Variants in PLCB4 observed in about 807,000 individuals in gnomAD.
PLCB4 encodes 1-phosphatidylinositol 4,5-bisphosphate phosphodiesterase beta-4.
A neutral mutation model predicts 178.8 loss-of-function variants in PLCB4; 77 were observed. The ratio of observed to expected loss-of-function variants is 0.43; its 90% CI spans 0.36 to 0.52. PLCB4 has a LOEUF of 0.52. Ranked by LOEUF, PLCB4 falls within the 20% of genes least tolerant of loss-of-function variation. The pLI, the probability that PLCB4 is intolerant of heterozygous loss-of-function variation, is 0.00. For missense variants in PLCB4, 1,024 were observed against 1,453.4 expected (o/e 0.70, Z 4.80); for synonymous variants, 496 against 490.8 (o/e 1.01, Z -0.14).
intron 3 of PLCB4, among the ~76,000 whole-genome samples, chr20:9,244,177 TTC>T (rs1215635317): frequency 5.9e-5 from 9 of 152,192 alleles, no homozygotes; most frequent in Admixed American, 5.9e-4. Flanking sequence ...CATGAATCAT[TTC>T]TCTTTCTCTA....
chr20:9,197,725 C>T (rs939301180), intron 2 of PLCB4, among the ~76,000 whole-genome samples: 1 of 152,218 alleles, frequency 6.6e-6, no homozygotes, highest in African/African-American at 2.4e-5. Flanking sequence ...CCTGTAATCC[C>T]AGCACTTTGG....
At chr20:9,235,286 A>T (rs372691206) in intron 3 of PLCB4, among the ~76,000 whole-genome samples, 2 of 152,166 alleles carry the variant, frequency 1.3e-5, no homozygotes, top group Non-Finnish European at 2.9e-5. Flanking sequence ...GATGATGTCA[A>T]GCAAATGCAC....
intron 19 of PLCB4, among the ~76,000 whole-genome samples, chr20:9,396,558 G>A (rs1333166966): frequency 6.6e-6 from 1 of 152,180 alleles, no homozygotes; most frequent in Non-Finnish European, 1.5e-5. Flanking sequence ...AGAGTTTGGG[G>A]ATGATTTTAG....
At chr20:9,253,251 C>T (rs1445714719) in intron 3 of PLCB4, among the ~76,000 whole-genome samples, 1 of 152,182 alleles carries the variant, frequency 6.6e-6, no homozygotes, top group African/African-American at 2.4e-5. Context: ...TCCAGCAGAG[C>T]AAGGGATCCG....
intron 9 of PLCB4, among the ~76,000 whole-genome samples, chr20:9,370,493 C>T (rs1312736805): frequency 6.6e-6 from 1 of 152,164 alleles, no homozygotes; most frequent in African/African-American, 2.4e-5. Flanking sequence ...CTCCTTTTCC[C>T]TAGGCCCAGT....
chr20:9,145,509 CTT>C (rs59068139), intron 2 of PLCB4, among the ~76,000 whole-genome samples: 1 of 142,690 alleles, frequency 7.0e-6, no homozygotes. Flanking sequence ...TATCAAAGTT[CTT>C]TTTTTTTTTT....
intron 1 of PLCB4, among the ~76,000 whole-genome samples, chr20:9,075,940 C>A (rs6077480): frequency 2.6e-5 from 4 of 151,986 alleles, no homozygotes; most frequent in African/African-American, 7.3e-5. Flanking sequence ...TTGGAAACAC[C>A]GTGTACTAGA....
chr20:9,281,694 G>A (rs1200966612), intron 3 of PLCB4, among the ~76,000 whole-genome samples: 1 of 151,866 alleles, frequency 6.6e-6, no homozygotes, highest in South Asian at 2.1e-4. Context: ...GAATGATTTT[G>A]CAAAATTAAA....
chr20:9,262,364 T>A (rs2094306839), intron 3 of PLCB4, among the ~76,000 whole-genome samples: 2 of 152,092 alleles, frequency 1.3e-5, no homozygotes, highest in Admixed American at 1.3e-4. Context: ...GCGGAATTTA[T>A]AAAGAGCATA....
intron 3 of PLCB4, among the ~76,000 whole-genome samples, chr20:9,267,964 G>C (rs931273460): frequency 4.6e-5 from 7 of 152,144 alleles, no homozygotes; most frequent in African/African-American, 1.7e-4. Context: ...GTGCTAACAT[G>C]GTTAGGTGTC....
At chr20:9,312,250 T>A (rs891144598) in intron 4 of PLCB4, among the ~76,000 whole-genome samples, 1 of 151,896 alleles carries the variant, frequency 6.6e-6, no homozygotes, top group Non-Finnish European at 1.5e-5. Context: ...TTCTTGCCCA[T>A]GGGACTTTCT....
At chr20:9,109,169 C>T (rs1050997384) in intron 2 of PLCB4, among the ~76,000 whole-genome samples, 4 of 152,134 alleles carry the variant, frequency 2.6e-5, no homozygotes, top group Non-Finnish European at 2.9e-5. Flanking sequence ...ATTTGTATCC[C>T]TGGGTCTAAA....
chr20:9,124,489 C>A (rs1474827006), intron 2 of PLCB4, among the ~76,000 whole-genome samples: 1 of 152,090 alleles, frequency 6.6e-6, no homozygotes, highest in East Asian at 1.9e-4. Context: ...AGAATAGGAC[C>A]TGTCTCTAAA....
At position 9,240,679 on chromosome 20, in the gene PLCB4, A is replaced by T. The variant is rs529085683; in HGVS notation, c.-16+23227A>T. 2.5e-4 allele frequency among the ~76,000 whole-genome samples: 38 copies of T among 152,228 alleles called. No homozygotes were observed. The South Asian group carries it at 7.3e-3, about 29-fold the overall frequency. On this transcript the variant is annotated intron_variant, in intron 3 of 39. Coordinates refer to ENST00000378473, the MANE Select transcript of PLCB4 (RefSeq NM_001377142.1). ...ATTCCCTGCCTTGGTCTCTGATTGC[A>T]CATTTGTCCTTGCTTTTTTGTCTTT...
intron 2 of PLCB4, among the ~76,000 whole-genome samples, chr20:9,195,849 T>C (rs2093465067): frequency 1.3e-5 from 2 of 152,198 alleles, no homozygotes; most frequent in South Asian, 4.1e-4. Context: ...CCCTGACTAA[T>C]ACAGTCTCAG....
chr20:9,218,988 T>C (rs758360696), intron 3 of PLCB4, among the ~76,000 whole-genome samples: 27 of 152,294 alleles, frequency 1.8e-4, no homozygotes, highest in Non-Finnish European at 3.5e-4. Flanking sequence ...TATCCTTAAA[T>C]AGGTCATTTT....
intron 12 of PLCB4, among the ~76,000 whole-genome samples, chr20:9,376,530 G>A (rs1261215132): frequency 6.6e-6 from 1 of 152,010 alleles, no homozygotes; most frequent in East Asian, 1.9e-4. Flanking sequence ...TATGAAAATA[G>A]CAAACTAGAG....
At chr20:9,411,293 T>TA (rs1211592036) in intron 25 of PLCB4, among the ~76,000 whole-genome samples, 15 of 152,342 alleles carry the variant, frequency 9.8e-5, no homozygotes, top group African/African-American at 3.6e-4. Context: ...TTGGGTTTTT[T>TA]AAATCACAAG....
intron 4 of PLCB4, among the ~76,000 whole-genome samples, chr20:9,317,966 G>A (rs1372882214): frequency 6.6e-6 from 1 of 151,964 alleles, no homozygotes; most frequent in Non-Finnish European, 1.5e-5. Flanking sequence ...GGGCTTGGTT[G>A]CAGGCACCTG....
Sources: gnomAD v4.1 joint callset for allele counts (sites outside exome capture counted in the v4.1 genomes callset) on GRCh38, gnomAD v4.1.1 for gene constraint, MANE v1.5 for transcripts, NCBI Gene and HGNC (gene_info 2026-07-23, HGNC 2026-07-21) for gene names.